Variants in ANKRD28 observed in about 807,000 individuals in gnomAD.
ANKRD28 encodes ankyrin repeat domain 28.
A neutral mutation model predicts 126.5 loss-of-function variants in ANKRD28; 44 were observed. The ratio of observed to expected loss-of-function variants is 0.35; its 90% confidence interval spans 0.27 to 0.45. The LOEUF (loss-of-function observed/expected upper bound fraction) is 0.45, where lower values mean the gene tolerates loss of function less well. ANKRD28 is among the 20% of genes least tolerant of loss of function. The probability of loss-of-function intolerance (pLI) is 1.00; values close to 1 mark genes in which losing one functional copy is unlikely to be tolerated. For synonymous variants in ANKRD28, 442 were observed against 468.5 expected (o/e 0.94, Z 0.73); for missense variants, 1,110 against 1,316.6 (o/e 0.84, Z 2.43).
intron 3 of ANKRD28, among the ~76,000 whole-genome samples, chr3:15,760,506 A>G (rs2058400509): frequency 6.6e-6 from 1 of 152,234 alleles, no homozygotes; most frequent in African/African-American, 2.4e-5. Context: ...TAAGAATCTG[A>G]AAGCATCCAG....
intron 18 of ANKRD28, among the ~76,000 whole-genome samples, chr3:15,688,754 T>C (rs2068440590): frequency 6.6e-6 from 1 of 152,234 alleles, no homozygotes; most frequent in African/African-American, 2.4e-5. Flanking sequence ...TGATACGCAG[T>C]GGGTAGCAAG....
chr3:15,818,280 C>T (rs1382688213), intron 1 of ANKRD28, among the ~76,000 whole-genome samples: 2 of 152,194 alleles, frequency 1.3e-5, no homozygotes, highest in Admixed American at 1.3e-4. Context: ...ATCTGAAATG[C>T]TGTAAACTCT....
chr3:15,759,315 T>C (rs1458031378), intron 3 of ANKRD28, among the ~76,000 whole-genome samples: 1 of 151,198 alleles, frequency 6.6e-6, no homozygotes, highest in Non-Finnish European at 1.5e-5. Context: ...AGTTTCCTTA[T>C]ATAATACCTT....
At chr3:15,738,794 G>T (rs1303778857) in intron 4 of ANKRD28, 3 of 152,214 alleles carry the variant, frequency 2.0e-5, no homozygotes, top group Non-Finnish European at 4.4e-5. Flanking sequence ...AATTTATGAG[G>T]TGGGAATTTC....
rs963831036 is a variant in ANKRD28 at position 15,843,659 on chromosome 3, A to G, written c.27+15718T>C. On this transcript the variant is annotated intron_variant, in intron 1 of 27. Transcript: ENST00000399451. The surrounding 1 kb of genome is among the most constrained non-coding windows in gnomAD (Gnocchi z 5.2). ...CAATTTACAATAAGGAAAGGTATCA[A>G]TAAGAAAGCAATGGGTAAAAAAAAT... 3.3e-5 allele frequency among the ~76,000 whole-genome samples: 5 copies of G among 152,126 alleles called. No homozygotes were observed. The highest frequency in any genetic ancestry group is 7.3e-5 in the Non-Finnish European group (5 of 68,036).
At chr3:15,809,961 T>C (rs1442883735) in intron 1 of ANKRD28, among the ~76,000 whole-genome samples, 1 of 151,850 alleles carries the variant, frequency 6.6e-6, no homozygotes, top group Non-Finnish European at 1.5e-5. Context: ...GCCTAGCACA[T>C]CCCCCTCCCA....
At chr3:15,671,474 C>T (rs916390930) in intron 27 of ANKRD28, among the ~76,000 whole-genome samples, 8 of 152,186 alleles carry the variant, frequency 5.3e-5, no homozygotes, top group Admixed American at 3.9e-4. Flanking sequence ...TCCATATATC[C>T]TCTACCCAGT....
intron 27 of ANKRD28, among the ~76,000 whole-genome samples, chr3:15,670,759 A>G (rs1575058930): frequency 6.6e-6 from 1 of 152,212 alleles, no homozygotes; most frequent in South Asian, 2.1e-4. Context: ...AGGGGATGTT[A>G]GACTAGACAA....
intron 6 of ANKRD28, among the ~76,000 whole-genome samples, chr3:15,725,484 T>A (rs1252463563): frequency 6.6e-6 from 1 of 152,236 alleles, no homozygotes; most frequent in Non-Finnish European, 1.5e-5. Flanking sequence ...ATATTGTATG[T>A]ACTTTGCTTT....
At chr3:15,725,414 G>A (rs908555317) in intron 6 of ANKRD28, among the ~76,000 whole-genome samples, 20 of 152,204 alleles carry the variant, frequency 1.3e-4, no homozygotes, top group African/African-American at 4.8e-4. Flanking sequence ...TTGGTCTAAG[G>A]TTAGTTTAAT....
chr3:15,714,534 A>AG, intron 9 of ANKRD28, 44 bp downstream of exon 9: 3 of 1,344,666 alleles, frequency 2.2e-6, no homozygotes. Flanking sequence ...ACATTTAAGA[A>AG]AAAAAAAAAA....
intron 2 of ANKRD28, among the ~76,000 whole-genome samples, chr3:15,792,312 C>T (rs1476389552): frequency 6.6e-6 from 1 of 152,120 alleles, no homozygotes. Context: ...CATTTGGAGG[C>T]AACCTAAGTG....
At chr3:15,699,846 A>T (rs921093890) in intron 14 of ANKRD28, among the ~76,000 whole-genome samples, 56 of 152,332 alleles carry the variant, frequency 3.7e-4, no homozygotes, top group Non-Finnish European at 7.5e-4. Flanking sequence ...AAGGATCTAG[A>T]ACTAGAAATA....
chr3:15,852,433 C>T (rs2061672317), intron 1 of ANKRD28, among the ~76,000 whole-genome samples: 1 of 152,098 alleles, frequency 6.6e-6, no homozygotes, highest in African/African-American at 2.4e-5. Context: ...CTGTCTTGTG[C>T]TAGATGTTTT....
intron 1 of ANKRD28, among the ~76,000 whole-genome samples, chr3:15,828,751 G>T (rs570907526): frequency 6.6e-6 from 1 of 152,022 alleles, no homozygotes; most frequent in African/African-American, 2.4e-5. Flanking sequence ...TTTGCACCAC[G>T]CTGCACTTGT....
chr3:15,705,813 CAACA>C (rs2071276655), intron 14 of ANKRD28, among the ~76,000 whole-genome samples: 1 of 152,078 alleles, frequency 6.6e-6, no homozygotes, highest in African/African-American at 2.4e-5. Flanking sequence ...CCAGCCTGGC[CAACA>C]TGGTGAATCT....
intron 1 of ANKRD28, among the ~76,000 whole-genome samples, chr3:15,818,796 C>A (rs375569629): frequency 2.0e-5 from 3 of 152,020 alleles, no homozygotes; most frequent in African/African-American, 7.3e-5. Flanking sequence ...TGGGAAGACT[C>A]AATATTCTTA....
At chr3:15,836,900 A>C (rs1370156923) in intron 1 of ANKRD28, among the ~76,000 whole-genome samples, 1 of 151,832 alleles carries the variant, frequency 6.6e-6, no homozygotes, top group African/African-American at 2.4e-5. Context: ...GGAGATCGAC[A>C]CCATCCTGGC....
At chr3:15,819,798 G>A (rs1053130855) in intron 1 of ANKRD28, among the ~76,000 whole-genome samples, 4 of 152,140 alleles carry the variant, frequency 2.6e-5, no homozygotes, top group Non-Finnish European at 5.9e-5. Flanking sequence ...CCAGCACAAA[G>A]GCTGTTAAAC....
Sources: gnomAD v4.1 joint callset for allele counts (sites outside exome capture counted in the v4.1 genomes callset) on GRCh38, gnomAD v4.1.1 for gene constraint, Gnocchi (gnomAD v3.1) non-coding constraint, MANE v1.5 for transcripts, NCBI Gene and HGNC (gene_info 2026-07-23, HGNC 2026-07-21) for gene names.